The following CNTN4 variants were observed in gnomAD, a reference collection of about 807,000 sequenced individuals.
CNTN4 encodes contactin-4.
In CNTN4, 77 loss-of-function variants were observed where a neutral mutation model predicts 122.5. That is an observed-to-expected ratio of 0.63 (90% CI 0.52 to 0.76). CNTN4 has a LOEUF of 0.76. Ranked by LOEUF, CNTN4 falls within the 30% of genes least tolerant of loss-of-function variation. The pLI, the probability that CNTN4 is intolerant of heterozygous loss-of-function variation, is 0.00. For missense variants in CNTN4, 1,256 were observed against 1,259.1 expected (o/e 1.00, Z 0.04); for synonymous variants, 512 against 447.0 (o/e 1.15, Z -1.83).
intron 12 of CNTN4, among the ~76,000 whole-genome samples, chr3:2,921,851 C>T: frequency 6.6e-6 from 1 of 152,074 alleles, no homozygotes; most frequent in Non-Finnish European, 1.5e-5. Flanking sequence ...TTCTATTGGC[C>T]ACTTAAAATA....
chr3:2,225,562 C>G (rs897618976), intron 2 of CNTN4, among the ~76,000 whole-genome samples: 1 of 152,084 alleles, frequency 6.6e-6, no homozygotes, highest in Non-Finnish European at 1.5e-5. Flanking sequence ...AAACCCAGGT[C>G]CTTTCCCTTC....
chr3:2,945,053 C>T (rs957437675), intron 13 of CNTN4, among the ~76,000 whole-genome samples: 12 of 152,098 alleles, frequency 7.9e-5, no homozygotes, highest in Non-Finnish European at 1.6e-4. Context: ...GGCAGTTCCC[C>T]GTTTCAGGGG....
intron 12 of CNTN4, among the ~76,000 whole-genome samples, chr3:2,918,952 C>A (rs758479007): frequency 3.9e-5 from 6 of 152,180 alleles, no homozygotes; most frequent in Admixed American, 6.5e-5. Flanking sequence ...CTGCAACATA[C>A]ATTCATTCAT....
chr3:2,437,002 A>G (rs1312431367), intron 3 of CNTN4, among the ~76,000 whole-genome samples: 1 of 151,922 alleles, frequency 6.6e-6, no homozygotes, highest in Non-Finnish European at 1.5e-5. Flanking sequence ...TCTTTAGAGT[A>G]TAGAATGGTG....
intron 3 of CNTN4, among the ~76,000 whole-genome samples, chr3:2,496,514 C>T (rs1278158532): frequency 1.3e-5 from 2 of 152,066 alleles, no homozygotes; most frequent in Non-Finnish European, 1.5e-5. Flanking sequence ...TAATAATTCA[C>T]CCCTGAATTA....
At chr3:2,749,629 C>T (rs182660816) in intron 6 of CNTN4, among the ~76,000 whole-genome samples, 5 of 152,192 alleles carry the variant, frequency 3.3e-5, no homozygotes, top group East Asian at 3.9e-4. Context: ...TCCTGTGTTA[C>T]GTGCCTGTTC....
intron 6 of CNTN4, among the ~76,000 whole-genome samples, chr3:2,807,870 G>A (rs1419261493): frequency 6.6e-6 from 1 of 152,172 alleles, no homozygotes; most frequent in Admixed American, 6.5e-5. Flanking sequence ...GTAAGGATCA[G>A]TGCAGTTTCC....
chr3:2,910,678 A>C (rs2151217812), intron 12 of CNTN4, among the ~76,000 whole-genome samples: 1 of 152,110 alleles, frequency 6.6e-6, no homozygotes, highest in East Asian at 1.9e-4. Context: ...ATCTACCCCA[A>C]GTTCTTTGAA....
At chr3:2,821,509 G>T (rs2092872045) in intron 7 of CNTN4, among the ~76,000 whole-genome samples, 2 of 152,124 alleles carry the variant, frequency 1.3e-5, no homozygotes, top group South Asian at 4.1e-4. Flanking sequence ...TGAGGACTTT[G>T]CCTCCATGTC....
chr3:2,584,303 A>G (rs1416962558), intron 4 of CNTN4, among the ~76,000 whole-genome samples: 4 of 152,084 alleles, frequency 2.6e-5, no homozygotes, highest in East Asian at 1.9e-4. Flanking sequence ...AGAGAATGCC[A>G]TGAGCCGCAT....
At chr3:2,554,423 C>T (rs1310778635) in intron 3 of CNTN4, among the ~76,000 whole-genome samples, 1 of 151,944 alleles carries the variant, frequency 6.6e-6, no homozygotes, top group African/African-American at 2.4e-5. Context: ...ATACTTTCTC[C>T]AGTTTGTGGG....
intron 6 of CNTN4, among the ~76,000 whole-genome samples, chr3:2,811,112 A>T (rs1178954637): frequency 6.6e-6 from 1 of 152,022 alleles, no homozygotes; most frequent in Non-Finnish European, 1.5e-5. Flanking sequence ...TAGACCTAGC[A>T]TAAGATTTTG....
intron 6 of CNTN4, among the ~76,000 whole-genome samples, chr3:2,752,511 G>A (rs549061808): frequency 1.5e-4 from 23 of 152,168 alleles, no homozygotes; most frequent in Admixed American, 1.4e-3. Context: ...GAATACAGGC[G>A]CCCACCACCA....
intron 2 of CNTN4, among the ~76,000 whole-genome samples, chr3:2,115,459 C>G (rs2033284623): frequency 6.6e-6 from 1 of 152,182 alleles, no homozygotes; most frequent in African/African-American, 2.4e-5. Context: ...TCCAGGTAAC[C>G]CTGTTTATCC....
chr3:2,455,069 T>G (rs577882712), intron 3 of CNTN4, among the ~76,000 whole-genome samples: 3 of 152,184 alleles, frequency 2.0e-5, no homozygotes, highest in Admixed American at 6.5e-5. Flanking sequence ...GTAAATATGG[T>G]GTGGAAGCAA....
chr3:2,960,998 AGGCG>A (rs2094847854), intron 13 of CNTN4, among the ~76,000 whole-genome samples: 1 of 148,548 alleles, frequency 6.7e-6, no homozygotes, highest in Non-Finnish European at 1.5e-5. Context: ...TGGGAGGCCG[AGGCG>A]GGTGGATCAC....
At chr3:2,461,325 T>C (rs2049198057) in intron 3 of CNTN4, among the ~76,000 whole-genome samples, 1 of 151,752 alleles carries the variant, frequency 6.6e-6, no homozygotes. Flanking sequence ...ATGGAAGTTA[T>C]CATTAATTAT....
At chr3:2,137,813 G>A (rs77088595) in intron 2 of CNTN4, among the ~76,000 whole-genome samples, 3,781 of 152,298 alleles carry the variant, frequency 0.025, 46 homozygotes, top group Middle Eastern at 0.068. Flanking sequence ...AGGCAAGGGA[G>A]TAGTGTTGTG....
At chr3:2,640,351 A>G (rs537840897) in intron 4 of CNTN4, among the ~76,000 whole-genome samples, 2 of 152,318 alleles carry the variant, frequency 1.3e-5, no homozygotes, top group South Asian at 4.1e-4. Context: ...AGATTTTGTA[A>G]GGCTGTTTAT....
Sources: allele counts gnomAD v4.1 joint callset (sites outside exome capture counted in the v4.1 genomes callset), GRCh38; gene constraint gnomAD v4.1.1; transcripts MANE v1.5; gene names NCBI Gene and HGNC (gene_info 2026-07-23, HGNC 2026-07-21).